The following MPDZ variants were observed in gnomAD, a reference collection of about 807,000 sequenced individuals.
The protein encoded by MPDZ is multiple PDZ domain crumbs cell polarity complex component.
A neutral mutation model predicts 239.1 loss-of-function variants in MPDZ; 234 were observed. The ratio of observed to expected loss-of-function variants is 0.98; its 90% confidence interval spans 0.88 to 1.09. The LOEUF is 1.09. MPDZ is among the 50% of genes least tolerant of loss of function. The pLI is 0.00. For missense variants in MPDZ, 3,175 were observed against 2,510.0 expected, an observed-to-expected ratio of 1.26 and a Z score of -5.66; for synonymous variants, 1,048 against 881.3, an observed-to-expected ratio of 1.19 and a Z score of -3.35.
chr9:13,218,969 A>G (rs1958710815), intron 8 of MPDZ, among the ~76,000 whole-genome samples: 1 of 151,974 alleles, frequency 6.6e-6, no homozygotes, highest in African/African-American at 2.4e-5. Context: ...TATAACACCA[A>G]AAGAATAACT....
At position 13,193,968 on chromosome 9, in the gene MPDZ, T is replaced by A. The variant is rs937880096; in HGVS notation, c.1657-655A>T. 1.4e-4 allele frequency among the ~76,000 whole-genome samples: 22 copies of A among 152,160 alleles called. 3 individuals carry two copies. The highest frequency in any genetic ancestry group is 1.2e-3 in the Admixed American group (19 of 15,264). Reference sequence around the variant, plus strand: ...AAAGAGCTCTTTCAAATTTTAATGATAACGTGCAGAAGTCAGTTTCAGAAG... The same window carrying A: ...AAAGAGCTCTTTCAAATTTTAATGAAAACGTGCAGAAGTCAGTTTCAGAAG... On this transcript the variant is annotated intron_variant, in intron 13 of 46. Transcript: ENST00000319217.
At chr9:13,119,674 A>G in intron 38 of MPDZ, 25 bp from the exon 39 acceptor site, 2 of 1,613,732 alleles carry the variant, frequency 1.2e-6, no homozygotes, top group South Asian at 1.1e-5. Context: ...GAATTTCAAC[A>G]TTATCTTTTG....
At chr9:13,113,078 T>C (rs1192171731) in intron 41 of MPDZ, 24 bp from the exon 42 acceptor site, 5 of 1,542,620 alleles carry the variant, frequency 3.2e-6, no homozygotes, top group East Asian at 2.3e-5. Context: ...AAAGATAAAA[T>C]AGGGTTATTT....
intron 35 of MPDZ, among the ~76,000 whole-genome samples, chr9:13,124,969 C>T (rs1944902735): frequency 6.6e-6 from 1 of 152,068 alleles, no homozygotes; most frequent in Admixed American, 6.5e-5. Flanking sequence ...GAAGCTGAGG[C>T]TTTGAGTGGG....
chr9:13,145,667 G>C (rs890606773), intron 26 of MPDZ, among the ~76,000 whole-genome samples: 1 of 151,902 alleles, frequency 6.6e-6, no homozygotes, highest in African/African-American at 2.4e-5. Flanking sequence ...AAATAAGTAT[G>C]ACTTGACTAA....
chr9:13,218,868 C>A (rs1391605987), intron 8 of MPDZ, among the ~76,000 whole-genome samples: 3 of 151,624 alleles, frequency 2.0e-5, no homozygotes, highest in Non-Finnish European at 4.4e-5. Flanking sequence ...GCTGAGATAC[C>A]CACTACTTTC....
intron 10 of MPDZ, 53 bp from the exon 11 acceptor site, chr9:13,206,152 G>C (rs1168947920): frequency 1.3e-6 from 2 of 1,484,594 alleles, no homozygotes; most frequent in Non-Finnish European, 1.8e-6. Flanking sequence ...ATGGATATTT[G>C]TATTACCAAT....
rs1259277593 is a variant in MPDZ, at chr9:13,144,077, C to T, written c.3742-513G>A. On this transcript the variant is annotated intron_variant, in intron 26 of 46. Transcript: ENST00000319217. ...AGTAAGGAAACTTTCCATATTTTGA[C>T]TGGATATTAAAGTGCTTCAGAGCAA... 2.6e-5 allele frequency among the ~76,000 whole-genome samples: 4 copies of T among 151,898 alleles called. No individual in the cohort carries two copies. In the South Asian group the frequency reaches 8.3e-4, roughly 32 times the overall value.
rs1480148575 is a variant in MPDZ at position 13,193,224 on chromosome 9, T to A, written c.1746A>T (p.Leu582=). The A allele has an allele frequency of 6.2e-7, 1 of 1,611,780 alleles. No homozygotes were observed. The highest frequency in any genetic ancestry group is 1.1e-5 in the South Asian group (1 of 90,830). The change falls in exon 14 of 47, where the codon CTA becomes CTT. Residue 582 remains leucine, a synonymous_variant. Transcript: ENST00000319217. The part of the protein sequence containing the change: ...TVGHHFIRSV[L]PEGPVGHSGK... ...CGCTGTGTCCAACAGGACCCTCTGG[T>A]AGAACAGATCGGATAAAATGATGTC... is the stretch of plus-strand genomic sequence containing the variant.
chr9:13,112,243 T>G, intron 42 of MPDZ, 97 bp from the exon 43 acceptor site: 2 of 1,256,680 alleles, frequency 1.6e-6, no homozygotes, highest in Non-Finnish European at 2.1e-6. Flanking sequence ...ACTCTGATTT[T>G]CTAAGTGTGA....
rs1444109820 is a variant in MPDZ, at chr9:13,136,320, G to GTTTTTTTTTTTTTTTTTTTT, written c.4293-139_4293-138insAAAAAAAAAAAAAAAAAAAA. On this transcript the variant is annotated intron_variant, in intron 30 of 46. Coordinates refer to ENST00000319217, the MANE Select transcript of MPDZ (RefSeq NM_001378778.1). ...CTGTGACACTTACAAATTTACAAAC[G>GTTTTTTTTTTTTTTTTTTTT]TTTTCTTTTTTTTTTTTTTTTTTTT... is the stretch of plus-strand genomic sequence containing the variant. 1.6e-4 allele frequency: 31 copies of GTTTTTTTTTTTTTTTTTTTT among 194,640 alleles called. 3 individuals carry two copies. Among genetic ancestry groups the GTTTTTTTTTTTTTTTTTTTT allele is most frequent in the African/African-American group, 1.2e-3 (18 of 15,160 alleles). 12.1% of individuals were successfully genotyped at this position (194,640 alleles called of 1,614,324 possible).
intron 19 of MPDZ, among the ~76,000 whole-genome samples, chr9:13,183,057 T>C (rs1953578632): frequency 1.3e-5 from 2 of 152,252 alleles, no homozygotes; most frequent in African/African-American, 4.8e-5. Context: ...GAAGTCAGTT[T>C]TAAAACCATT....
intron 24 of MPDZ, among the ~76,000 whole-genome samples, chr9:13,155,802 C>G (rs1949745607): frequency 6.6e-6 from 1 of 152,156 alleles, no homozygotes. Context: ...CTCCATTAAG[C>G]TTTCTTCTCA....
At chr9:13,190,001 AGACT>A (rs1414808853) in intron 16 of MPDZ, 109 bp downstream of exon 16, 2 of 906,018 alleles carry the variant, frequency 2.2e-6, no homozygotes, top group Non-Finnish European at 3.2e-6. Flanking sequence ...CTATTTTGAA[AGACT>A]GACTAGAAAA....
chr9:13,181,505 A>C (rs1173359244), intron 19 of MPDZ, among the ~76,000 whole-genome samples: 2 of 152,202 alleles, frequency 1.3e-5, no homozygotes, highest in Non-Finnish European at 2.9e-5. Context: ...CTTTTTAAGA[A>C]AACTAAAAGC....
At chr9:13,113,157 T>G (rs1368443332) in intron 41 of MPDZ, 103 bp from the exon 42 acceptor site, 9 of 1,095,598 alleles carry the variant, frequency 8.2e-6, no homozygotes, top group Non-Finnish European at 1.2e-5. Flanking sequence ...TAACCTAGGT[T>G]TCTTTTTTTA....
chr9:13,166,784 G>A (rs1044818260), intron 22 of MPDZ, among the ~76,000 whole-genome samples: 3 of 151,926 alleles, frequency 2.0e-5, no homozygotes, highest in African/African-American at 7.3e-5. Flanking sequence ...GAGGGGAAAC[G>A]GAAATACACA....
intron 24 of MPDZ, among the ~76,000 whole-genome samples, chr9:13,157,263 A>C (rs1218440095): frequency 6.6e-6 from 1 of 152,110 alleles, no homozygotes; most frequent in Non-Finnish European, 1.5e-5. Context: ...CTGATTACCT[A>C]TGTTTTACTC....
At chr9:13,199,774 A>G (rs1328842342) in intron 12 of MPDZ, among the ~76,000 whole-genome samples, 2 of 152,032 alleles carry the variant, frequency 1.3e-5, no homozygotes, top group East Asian at 1.9e-4. Flanking sequence ...ACTGATTGGC[A>G]TATGTTGAAA....
Sources: allele counts gnomAD v4.1 joint callset (sites outside exome capture counted in the v4.1 genomes callset), GRCh38; gene constraint gnomAD v4.1.1; transcripts MANE v1.5; gene names NCBI Gene and HGNC (gene_info 2026-07-23, HGNC 2026-07-21).